The following ZBTB37 variants were observed in gnomAD, a reference collection of about 807,000 sequenced individuals.
ZBTB37 encodes the protein zinc finger and BTB domain-containing protein 37.
Under a neutral mutation model 37.7 loss-of-function variants are expected in ZBTB37, and 15 were observed. The ratio of observed to expected loss-of-function variants is 0.40; its 90% CI spans 0.27 to 0.61. ZBTB37 has a LOEUF of 0.61. Ranked by LOEUF, ZBTB37 falls within the 20% of genes least tolerant of loss-of-function variation. The probability of loss-of-function intolerance (pLI) is 0.44; values close to 1 mark genes in which losing one functional copy is unlikely to be tolerated. For missense variants in ZBTB37, 514 were observed against 641.9 expected (o/e 0.80, Z 2.15); for synonymous variants, 231 against 220.6 (o/e 1.05, Z -0.42).
chr1:173,875,493 T>C (rs2102728943), intron 4 of ZBTB37, among the ~76,000 whole-genome samples: 1 of 151,590 alleles, frequency 6.6e-6, no homozygotes, highest in Non-Finnish European at 1.5e-5. Flanking sequence ...ACCTAGCTAA[T>C]TTTTGTATTT....
downstream of ZBTB37, chr1:173,891,244 T>C (rs945828916): frequency 6.6e-6 from 1 of 152,242 alleles, no homozygotes; most frequent in Non-Finnish European, 1.5e-5. Flanking sequence ...ATGAATTTTT[T>C]CCCAAGTGGA....
intron 4 of ZBTB37, among the ~76,000 whole-genome samples, chr1:173,879,196 A>G (rs953291824): frequency 6.6e-6 from 1 of 151,976 alleles, no homozygotes; most frequent in Non-Finnish European, 1.5e-5. Flanking sequence ...AGGATTAAAG[A>G]TGAGGTAGGT....
chr1:173,870,053 C>T, intron 2 of ZBTB37, 147 bp from the exon 3 acceptor site: 1 of 573,872 alleles, frequency 1.7e-6, no homozygotes, highest in Non-Finnish European at 2.9e-6. Flanking sequence ...GATTCTGTTT[C>T]CACATCTAAA....
chr1:173,868,131 T>C, upstream of ZBTB37: 1 of 157,648 alleles, frequency 6.3e-6, no homozygotes, highest in Non-Finnish European at 1.4e-5. Context: ...TCCCACCCCT[T>C]AAGTCCGCCC....
At chr1:173,897,329 C>T (rs781603294) in exon 4 of ZBTB37, 1 of 152,166 alleles carries the variant, frequency 6.6e-6, no homozygotes, top group African/African-American at 2.4e-5. Context: ...TTATTTCTTG[C>T]ACTTTCTATT....
chr1:173,884,283 G>C (rs975759233), intron 4 of ZBTB37, among the ~76,000 whole-genome samples: 2 of 151,674 alleles, frequency 1.3e-5, no homozygotes, highest in Non-Finnish European at 2.9e-5. Context: ...TTCCCAAGGA[G>C]CTGGGACTAC....
exon 4 of ZBTB37, chr1:173,901,453 G>C (rs1289978425): frequency 6.7e-6 from 1 of 148,212 alleles, no homozygotes; most frequent in Non-Finnish European, 1.5e-5. Context: ...ACCCAGGCTG[G>C]AGTACAGTGG....
chr1:173,882,951 C>G (rs545783365), intron 4 of ZBTB37, among the ~76,000 whole-genome samples: 1 of 152,256 alleles, frequency 6.6e-6, no homozygotes, highest in South Asian at 2.1e-4. Context: ...AGTGTATTAA[C>G]TCATTCAATG....
At chr1:173,872,818 G>T (rs904099877) in intron 3 of ZBTB37, among the ~76,000 whole-genome samples, 6 of 61,964 alleles carry the variant, frequency 9.7e-5, no homozygotes, top group African/African-American at 4.0e-4. Context: ...GACCAGCCTG[G>T]CCAACATGGT....
chr1:173,882,302 C>T (rs1272569707), intron 4 of ZBTB37, among the ~76,000 whole-genome samples: 5 of 131,938 alleles, frequency 3.8e-5, no homozygotes, highest in African/African-American at 1.1e-4. Context: ...AGTGCAGTGG[C>T]GCAATCTCTG....
exon 3 of ZBTB37, chr1:173,870,392 A>G (rs1331554886): frequency 6.2e-7 from 1 of 1,614,142 alleles, no homozygotes; most frequent in African/African-American, 1.3e-5. Context: ...AGCTCCCCCT[A>G]TTTCCGGGAT....
intron 3 of ZBTB37, among the ~76,000 whole-genome samples, chr1:173,871,516 A>G (rs1655561394): frequency 6.6e-6 from 1 of 152,194 alleles, no homozygotes; most frequent in Non-Finnish European, 1.5e-5. Flanking sequence ...GTGTGTTATC[A>G]CACAGGTAGG....
At chr1:173,877,247 C>A (rs4652225) in intron 4 of ZBTB37, among the ~76,000 whole-genome samples, 11,136 of 150,790 alleles carry the variant, frequency 0.074, 1,325 homozygotes, top group African/African-American at 0.25. Context: ...CAAATACACA[C>A]AAAAAAACTG....
chr1:173,886,527 C>T (rs545388095), exon 5 of ZBTB37: 1 of 163,600 alleles, frequency 6.1e-6, no homozygotes, highest in Admixed American at 6.1e-5. Context: ...GCAGGAGCCT[C>T]AACCATCCGA....
chr1:173,879,612 A>G (rs1445642809), intron 4 of ZBTB37, among the ~76,000 whole-genome samples: 1 of 152,192 alleles, frequency 6.6e-6, no homozygotes, highest in East Asian at 1.9e-4. Flanking sequence ...TTTTTCTCTC[A>G]ATACAAAAAG....
At chr1:173,886,175 C>A in exon 5 of ZBTB37, 2 of 1,507,384 alleles carry the variant, frequency 1.3e-6, no homozygotes, top group Non-Finnish European at 1.8e-6. Context: ...CCATAAGCAG[C>A]CAGCATCAGA....
downstream of ZBTB37, chr1:173,887,414 T>C (rs1243809040): frequency 6.6e-6 from 1 of 152,216 alleles, no homozygotes; most frequent in Admixed American, 6.5e-5. Context: ...GAAAACATCA[T>C]GCAGAATCAT....
At chr1:173,895,344 C>T (rs1022055029) in exon 4 of ZBTB37, 2 of 152,198 alleles carry the variant, frequency 1.3e-5, no homozygotes, top group African/African-American at 2.4e-5. Context: ...CTCAAGAGAT[C>T]CACCTTCCTC....
chr1:173,883,918 C>G (rs971209247), intron 4 of ZBTB37, among the ~76,000 whole-genome samples: 2 of 152,142 alleles, frequency 1.3e-5, no homozygotes, highest in Non-Finnish European at 2.9e-5. Context: ...TAATTGCTAA[C>G]TAGATGAATC....
Sources: allele counts gnomAD v4.1 joint callset (sites outside exome capture counted in the v4.1 genomes callset), GRCh38; gene constraint gnomAD v4.1.1; transcripts MANE v1.5; gene names NCBI Gene and HGNC (gene_info 2026-07-23, HGNC 2026-07-21).